Variants in SPSB4 observed in about 807,000 individuals in gnomAD.
SPSB4 encodes splA/ryanodine receptor domain and SOCS box containing 4, also known as SPRY domain-containing SOCS box protein 4.
In SPSB4, 21 loss-of-function variants were observed where a neutral mutation model predicts 20.9. The observed-to-expected ratio is 1.01, with a 90% CI of 0.71 to 1.45. SPSB4 has a LOEUF of 1.45. SPSB4 is among the 40% of genes most tolerant of loss of function. The pLI, the probability that SPSB4 is intolerant of heterozygous loss-of-function variation, is 0.00. For missense variants in SPSB4, 399 were observed against 399.2 expected (o/e 1.00, Z 0.00); for synonymous variants, 207 against 183.8 (o/e 1.13, Z -1.02).
intron 2 of SPSB4, among the ~76,000 whole-genome samples, chr3:141,101,340 G>T (rs758549087): frequency 6.6e-6 from 1 of 152,206 alleles, no homozygotes; most frequent in Non-Finnish European, 1.5e-5. Context: ...GACAGACCTG[G>T]CAGGACCAGG....
chr3:141,063,913 T>C (rs565046398), intron 1 of SPSB4, among the ~76,000 whole-genome samples: 3 of 152,230 alleles, frequency 2.0e-5, no homozygotes, highest in Non-Finnish European at 4.4e-5. Context: ...GTCAGCAGAG[T>C]TCTGCAGCTG....
At chr3:141,103,500 G>A (rs75800393) in intron 2 of SPSB4, among the ~76,000 whole-genome samples, 1,573 of 152,294 alleles carry the variant, frequency 0.01, 23 homozygotes, top group African/African-American at 0.036. Context: ...GTTGGTGCCT[G>A]GGAAGGAATC....
intron 2 of SPSB4, among the ~76,000 whole-genome samples, chr3:141,091,320 T>C (rs1938445315): frequency 6.6e-6 from 1 of 152,206 alleles, no homozygotes; most frequent in African/African-American, 2.4e-5. Context: ...ATAAAAGCCA[T>C]AACCACCTCG....
chr3:141,121,492 T>C (rs1213194652), intron 2 of SPSB4, among the ~76,000 whole-genome samples: 1 of 152,222 alleles, frequency 6.6e-6, no homozygotes, highest in African/African-American at 2.4e-5. Context: ...TCCTGGATAA[T>C]ACCCTGAAGA....
At chr3:141,060,232 G>A (rs1937735689) in intron 1 of SPSB4, among the ~76,000 whole-genome samples, 1 of 152,186 alleles carries the variant, frequency 6.6e-6, no homozygotes, top group Admixed American at 6.5e-5. Flanking sequence ...CTAGTAAGAG[G>A]TCTTCCCTGG....
intron 2 of SPSB4, among the ~76,000 whole-genome samples, chr3:141,068,582 G>C (rs1047252319): frequency 6.6e-6 from 1 of 152,194 alleles, no homozygotes; most frequent in Admixed American, 6.5e-5. Context: ...TCTTTGGTGA[G>C]TCACTCTTAC....
chr3:141,086,319 A>C (rs1938336606), intron 2 of SPSB4, among the ~76,000 whole-genome samples: 1 of 152,170 alleles, frequency 6.6e-6, no homozygotes, highest in East Asian at 1.9e-4. Flanking sequence ...GAGGGTAGCA[A>C]TTAGGTGCAG....
At chr3:141,069,688 T>A in intron 2 of SPSB4, among the ~76,000 whole-genome samples, 1 of 152,172 alleles carries the variant, frequency 6.6e-6, no homozygotes, top group Admixed American at 6.5e-5. Flanking sequence ...CTCCTCTTTC[T>A]GAACTTCAGT....
At chr3:141,139,033 T>C (rs1435458939) in intron 2 of SPSB4, among the ~76,000 whole-genome samples, 1 of 152,224 alleles carries the variant, frequency 6.6e-6, no homozygotes, top group Non-Finnish European at 1.5e-5. Flanking sequence ...GTTGGGTGCA[T>C]ATATATTTAG....
rs181067695 is a variant in SPSB4, at chr3:141,119,043, T to C, written c.695-28099T>C. 3.9e-3 allele frequency among the ~76,000 whole-genome samples: 596 copies of C among 152,350 alleles called. 3 individuals are homozygous for C. The highest frequency in any genetic ancestry group is 6.7e-3 in the Non-Finnish European group (453 of 68,032). On this transcript the variant is annotated intron_variant, in intron 2 of 2. Transcript: ENST00000310546. ...TATGTGAAGAAAGTCATTGGCAGCT[T>C]GATGGGGATGGCATTGAATCTATAA... is the stretch of plus-strand genomic sequence containing the variant.
chr3:141,068,227 A>G (rs1937927301), intron 2 of SPSB4, among the ~76,000 whole-genome samples: 1 of 152,220 alleles, frequency 6.6e-6, no homozygotes, highest in Non-Finnish European at 1.5e-5. Context: ...ATTCTTGCTC[A>G]TATTTTATTT....
intron 2 of SPSB4, among the ~76,000 whole-genome samples, chr3:141,144,042 C>T (rs1252817008): frequency 1.3e-5 from 2 of 152,234 alleles, no homozygotes; most frequent in Non-Finnish European, 2.9e-5. Flanking sequence ...CATAGACAAT[C>T]TTTGAATCAC....
intron 2 of SPSB4, among the ~76,000 whole-genome samples, chr3:141,096,936 C>T (rs1482977685): frequency 6.6e-6 from 1 of 152,208 alleles, no homozygotes; most frequent in Non-Finnish European, 1.5e-5. Flanking sequence ...CCATTGCCTT[C>T]TCCCTGGCAT....
chr3:141,107,104 T>C (rs1199201402), intron 2 of SPSB4, among the ~76,000 whole-genome samples: 1 of 152,228 alleles, frequency 6.6e-6, no homozygotes, highest in Admixed American at 6.5e-5. Context: ...ATGTGCTGAT[T>C]GGCTCAGCCT....
At position 141,079,596 on chromosome 3, in the gene SPSB4, C is replaced by T. The variant is rs185122096; in HGVS notation, c.694+12798C>T. ...TCCCTGCACCAGTGTTTATGAAGGG[C>T]CTGTGGTGTGCTGACCCTTAGCCGG... On this transcript the variant is annotated intron_variant, in intron 2 of 2. Coordinates refer to ENST00000310546, the MANE Select transcript of SPSB4 (RefSeq NM_080862.3). Among the ~76,000 whole-genome samples the T allele has an allele frequency of 3.3e-4, 50 of 152,278 alleles. 2 individuals are homozygous for T. In the South Asian group the frequency reaches 0.01, roughly 32 times the overall value.
chr3:141,134,944 G>A (rs1939200986), intron 2 of SPSB4, among the ~76,000 whole-genome samples: 2 of 150,762 alleles, frequency 1.3e-5, no homozygotes, highest in African/African-American at 4.9e-5. Flanking sequence ...CAGGTACACT[G>A]CAAAAGATAT....
intron 1 of SPSB4, among the ~76,000 whole-genome samples, chr3:141,058,567 C>A (rs933099083): frequency 2.6e-5 from 4 of 152,038 alleles, no homozygotes; most frequent in African/African-American, 9.7e-5. Context: ...TGTGCCTGGC[C>A]CAGTGCTGCA....
intron 2 of SPSB4, among the ~76,000 whole-genome samples, chr3:141,073,598 G>A (rs974365262): frequency 1.3e-5 from 2 of 152,120 alleles, no homozygotes; most frequent in African/African-American, 4.8e-5. Flanking sequence ...TCTTTGCTGT[G>A]GCAACTGCAT....
At chr3:141,106,917 G>C (rs2107797005) in intron 2 of SPSB4, among the ~76,000 whole-genome samples, 1 of 152,332 alleles carries the variant, frequency 6.6e-6, no homozygotes, top group South Asian at 2.1e-4. Flanking sequence ...AGAGGCCTCT[G>C]TATGGGGTCA....
Sources: gnomAD v4.1 joint callset for allele counts (sites outside exome capture counted in the v4.1 genomes callset) on GRCh38, gnomAD v4.1.1 for gene constraint, MANE v1.5 for transcripts, NCBI Gene and HGNC (gene_info 2026-07-23, HGNC 2026-07-21) for gene names.